The following CHD6 variants were observed in gnomAD, a reference collection of about 807,000 sequenced individuals.
CHD6 encodes chromodomain helicase DNA binding protein 6.
Under a neutral mutation model 276.9 loss-of-function variants are expected in CHD6, and 50 were observed. The ratio of observed to expected loss-of-function variants is 0.18; its 90% CI spans 0.14 to 0.23. The LOEUF is 0.23. Ranked by LOEUF, CHD6 falls within the 10% of genes least tolerant of loss-of-function variation. The probability of loss-of-function intolerance (pLI) is 1.00; values close to 1 mark genes in which losing one functional copy is unlikely to be tolerated. For missense variants in CHD6, 2,564 were observed against 3,365.8 expected (o/e 0.76, Z 5.89); for synonymous variants, 1,173 against 1,229.3 (o/e 0.95, Z 0.96).
At chr20:41,570,253 A>C (rs868529856) in intron 1 of CHD6, among the ~76,000 whole-genome samples, 2 of 152,266 alleles carry the variant, frequency 1.3e-5, no homozygotes, top group South Asian at 4.1e-4. Context: ...TATGAAACCC[A>C]AGTATCAATT....
chr20:41,478,143 AGTG>A (rs2043207601), intron 16 of CHD6, among the ~76,000 whole-genome samples: 1 of 152,204 alleles, frequency 6.6e-6, no homozygotes, highest in Admixed American at 6.5e-5. Context: ...CCAGATGCAC[AGTG>A]CTCCCATATG....
In CHD6 at chr20:41,462,652, G is replaced by T. The variant is rs56175805; in HGVS notation, c.2665-5224C>A. 8.7e-3 allele frequency among the ~76,000 whole-genome samples: 1,327 copies of T among 152,270 alleles called. 7 individuals carry two copies. The highest frequency in any genetic ancestry group is 0.015 in the Non-Finnish European group (1,020 of 68,020). On this transcript the variant is annotated intron_variant, in intron 17 of 36. Transcript: ENST00000373233. Reference sequence around the variant, plus strand: ...GTGCTAGAATGAATTGGAGGTATCAGTATTAACTCATGGTTAGGTGTACAT... The same window carrying T: ...GTGCTAGAATGAATTGGAGGTATCATTATTAACTCATGGTTAGGTGTACAT...
At chr20:41,488,381 C>A (rs764339109) in intron 13 of CHD6, 47 bp downstream of exon 13, 3 of 1,513,312 alleles carry the variant, frequency 2.0e-6, no homozygotes, top group Non-Finnish European at 1.8e-6. Flanking sequence ...TTCCTCCAAG[C>A]TGAACAAAAG....
At chr20:41,485,825 TGA>T (rs2043399838) in intron 14 of CHD6, 1 of 152,174 alleles carries the variant, frequency 6.6e-6, no homozygotes, top group African/African-American at 2.4e-5. Context: ...TGAAGATTGC[TGA>T]GAGTGGATTT....
Position 41,425,318 on chromosome 20 carries a change from G to A in CHD6, c.4206C>T (p.Val1402=), listed in dbSNP as rs1224568676. Residue 1402 remains valine, a synonymous_variant, in exon 29 of 37, where the codon GTC becomes GTT. Coordinates refer to ENST00000373233, the MANE Select transcript of CHD6 (RefSeq NM_032221.5). ...TGCGGTTGCAGCGCTGGTAAACAGT[G>A]ACCAGACGTCTGAGACGAGCTGTGA... ...SALTARLRRL[V]TVYQRCNRKE... 6.2e-7 allele frequency: 1 copy of A among 1,614,214 alleles called. No individual in the cohort carries two copies. Among genetic ancestry groups the A allele is most frequent in the Non-Finnish European group, 8.5e-7 (1 of 1,180,046 alleles).
chr20:41,593,843 G>A (rs1007676729), intron 1 of CHD6, among the ~76,000 whole-genome samples: 12 of 152,174 alleles, frequency 7.9e-5, no homozygotes, highest in African/African-American at 2.9e-4. Context: ...CAAGCGAAGA[G>A]AAGAAAGAAA....
intron 1 of CHD6, among the ~76,000 whole-genome samples, chr20:41,587,110 A>G: frequency 6.6e-6 from 1 of 150,664 alleles, no homozygotes; most frequent in Non-Finnish European, 1.5e-5. Context: ...CTATAATTTA[A>G]TAAGGTCATA....
intron 1 of CHD6, among the ~76,000 whole-genome samples, chr20:41,555,414 AC>A (rs1366452399): frequency 8.3e-6 from 1 of 119,886 alleles, no homozygotes; most frequent in Admixed American, 8.1e-5. Context: ...CAGGGGGCTG[AC>A]CCCCACCTCC....
chr20:41,471,559 C>T (rs1053059686), intron 17 of CHD6, among the ~76,000 whole-genome samples: 1 of 150,870 alleles, frequency 6.6e-6, no homozygotes, highest in Admixed American at 6.6e-5. Context: ...TTTTTGAGAC[C>T]GAGTCTCGCT....
chr20:41,441,869 A>G (rs2047912596), intron 25 of CHD6, among the ~76,000 whole-genome samples: 1 of 152,218 alleles, frequency 6.6e-6, no homozygotes, highest in Non-Finnish European at 1.5e-5. Context: ...TTTAGTCTAT[A>G]AGCTGCTCTC....
chr20:41,491,394 A>G (rs1272995112), intron 11 of CHD6, among the ~76,000 whole-genome samples: 1 of 150,736 alleles, frequency 6.6e-6, no homozygotes, highest in East Asian at 1.9e-4. Flanking sequence ...ATTTAGAAAT[A>G]GAAAACAGCT....
intron 8 of CHD6, among the ~76,000 whole-genome samples, chr20:41,495,080 T>C (rs960182426): frequency 1.3e-5 from 2 of 152,000 alleles, no homozygotes; most frequent in Non-Finnish European, 2.9e-5. Flanking sequence ...CAGTTCTTCA[T>C]ATACCGTTTC....
At chr20:41,418,961 T>A (rs551432861) in intron 31 of CHD6, among the ~76,000 whole-genome samples, 2 of 152,218 alleles carry the variant, frequency 1.3e-5, no homozygotes, top group Non-Finnish European at 2.9e-5. Flanking sequence ...ACCATACTTA[T>A]CTTTACCTTG....
intron 17 of CHD6, among the ~76,000 whole-genome samples, chr20:41,464,763 C>A (rs1470548282): frequency 2.0e-5 from 3 of 152,092 alleles, no homozygotes; most frequent in Admixed American, 1.3e-4. Context: ...TTTCTAAATG[C>A]TGTTCTCAAG....
chr20:41,504,130 A>G (rs1446751632), intron 5 of CHD6, among the ~76,000 whole-genome samples: 1 of 148,444 alleles, frequency 6.7e-6, no homozygotes, highest in Non-Finnish European at 1.5e-5. Flanking sequence ...TTTTAACTGC[A>G]TCGCACTTGT....
At chr20:41,509,456 G>C (rs1017591397) in intron 5 of CHD6, among the ~76,000 whole-genome samples, 1 of 152,142 alleles carries the variant, frequency 6.6e-6, no homozygotes, top group Admixed American at 6.5e-5. Flanking sequence ...AGTGCCCTAA[G>C]AGCAAAGGGG....
At position 41,421,250 on chromosome 20, in the gene CHD6, T is replaced by C. The variant is rs771288441; in HGVS notation, c.5385A>G (p.Ala1795=). Residue 1795 remains alanine (A), a synonymous_variant, in exon 31 of 37, where the codon GCA becomes GCG. Transcript: ENST00000373233. ...GGCCAATGTTTTCAGGTCTCTGTCC[T>C]GCCTCACTGCAGCAGAGCTCCCCTT... The part of the protein sequence containing the change: ...SKEGELCCSE[A]GQRPENIGQL... 6.2e-7 allele frequency: 1 copy of C among 1,614,024 alleles called. No individual in the cohort carries two copies. The highest frequency in any genetic ancestry group is 1.3e-5 in the African/African-American group (1 of 74,952).
chr20:41,403,771 G>A lies in CHD6; in HGVS notation c.*822C>T. 1.9e-6 allele frequency: 2 copies of A among 1,058,388 alleles called. No homozygotes were observed. The highest frequency in any genetic ancestry group is 2.3e-6 in the Non-Finnish European group (2 of 874,964). 65.6% of individuals were successfully genotyped at this position (1,058,388 alleles called of 1,614,324 possible). Reference sequence around the variant, plus strand: ...AAATCTGTAAGCGAACCAGGTGAGAGCAGAGCGCTAGCCGTGTGCTTGTGA... The same window carrying A: ...AAATCTGTAAGCGAACCAGGTGAGAACAGAGCGCTAGCCGTGTGCTTGTGA... On this transcript the variant is annotated 3_prime_UTR_variant, in exon 37 of 37. Coordinates refer to ENST00000373233, the MANE Select transcript of CHD6 (RefSeq NM_032221.5).
In CHD6 at chr20:41,415,249, T is replaced by C. The variant is rs148428591; in HGVS notation, c.6876A>G (p.Lys2292=). The change falls in exon 34 of 37, where the codon AAA becomes AAG. Residue 2292 remains lysine (K), a synonymous_variant. Transcript: ENST00000373233. ...TGAGGTCCATCCCTCCTTCAACATG[T>C]TTCCGCCTCCCTCTCCGCCTCCTCG... ...AATRRRRGRR[K]HVEGGMDLIF... is the part of the protein sequence containing the mutation. 6.2e-7 allele frequency: 1 copy of C among 1,614,036 alleles called. No individual in the cohort carries two copies. Among genetic ancestry groups the C allele is most frequent in the Non-Finnish European group, 8.5e-7 (1 of 1,180,034 alleles).
Sources: allele counts gnomAD v4.1 joint callset (sites outside exome capture counted in the v4.1 genomes callset), GRCh38; gene constraint gnomAD v4.1.1; transcripts MANE v1.5; gene names NCBI Gene and HGNC (gene_info 2026-07-23, HGNC 2026-07-21).